GPHN: variants seen among roughly 807,000 people sequenced by gnomAD.
The protein encoded by GPHN is gephyrin.
Under a neutral mutation model 95.5 loss-of-function variants are expected in GPHN, and 17 were observed. The observed-to-expected ratio is 0.18, with a 90% CI of 0.12 to 0.27. The LOEUF (loss-of-function observed/expected upper bound fraction) is 0.27, where lower values mean the gene tolerates loss of function less well. Ranked by LOEUF, GPHN falls within the 10% of genes least tolerant of loss-of-function variation. GPHN has a pLI of 1.00. For synonymous variants in GPHN, 320 were observed against 322.5 expected (o/e 0.99, Z 0.08); for missense variants, 660 against 978.1 (o/e 0.67, Z 4.34).
the GPHN span, among the ~76,000 whole-genome samples, chr14:67,698,979 G>A: frequency 1.3e-5 from 2 of 152,178 alleles, no homozygotes; most frequent in Non-Finnish European, 2.9e-5. Flanking sequence ...GGCCAGGCAT[G>A]TTGGCTCATG....
chr14:67,677,031 G>A, the GPHN span: 46 of 152,246 alleles, frequency 3.0e-4, 1 homozygote, highest in African/African-American at 1.1e-3. Flanking sequence ...TAATTTACAA[G>A]TATCAGAAGT....
chr14:66,889,585 C>T (rs924202151), intron 5 of GPHN, among the ~76,000 whole-genome samples: 10 of 152,000 alleles, frequency 6.6e-5, no homozygotes, highest in Non-Finnish European at 1.5e-4. Flanking sequence ...AAAAATGCAA[C>T]ATACCAAAAC....
At chr14:67,620,462 T>C in the GPHN span, among the ~76,000 whole-genome samples, 9 of 151,970 alleles carry the variant, frequency 5.9e-5, no homozygotes, top group Non-Finnish European at 1.3e-4. Flanking sequence ...GGAGAATCGA[T>C]GGAGGAGGTT....
the GPHN span, among the ~76,000 whole-genome samples, chr14:67,662,285 A>T: frequency 6.6e-6 from 1 of 152,186 alleles, no homozygotes; most frequent in Non-Finnish European, 1.5e-5. Flanking sequence ...TTTCAGGAGC[A>T]TCTTCAGGCT....
intron 2 of GPHN, among the ~76,000 whole-genome samples, chr14:66,773,926 C>G (rs558166352): frequency 1.3e-5 from 2 of 151,076 alleles, no homozygotes; most frequent in East Asian, 3.9e-4. Context: ...TCATTGGGCC[C>G]TAGATAATCT....
At chr14:67,331,377 T>G in the GPHN span, among the ~76,000 whole-genome samples, 1 of 152,078 alleles carries the variant, frequency 6.6e-6, no homozygotes, top group East Asian at 1.9e-4. Context: ...TATTACTCAA[T>G]GATAGAAGTG....
At chr14:67,280,390 T>G in the GPHN span, among the ~76,000 whole-genome samples, 1 of 152,244 alleles carries the variant, frequency 6.6e-6, no homozygotes, top group Non-Finnish European at 1.5e-5. Context: ...TCTACTTTTT[T>G]GTAGAAGGAG....
the GPHN span, chr14:67,722,686 T>C: frequency 1.2e-6 from 2 of 1,613,918 alleles, no homozygotes; most frequent in Admixed American, 1.7e-5. Context: ...TTCTCGTTCC[T>C]GTATATGGTA....
intron 21 of GPHN, among the ~76,000 whole-genome samples, chr14:67,175,918 A>G (rs1379440356): frequency 6.6e-6 from 1 of 152,176 alleles, no homozygotes; most frequent in Non-Finnish European, 1.5e-5. Flanking sequence ...TGATTTTTGC[A>G]CATTGATTTT....
intron 9 of GPHN, among the ~76,000 whole-genome samples, chr14:66,972,415 T>C (rs930055622): frequency 3.3e-5 from 5 of 152,012 alleles, no homozygotes; most frequent in African/African-American, 1.2e-4. Flanking sequence ...TGAATAATAA[T>C]AATTTATTAG....
At chr14:67,723,341 C>A in the GPHN span, among the ~76,000 whole-genome samples, 2 of 152,180 alleles carry the variant, frequency 1.3e-5, no homozygotes, top group Admixed American at 6.5e-5. Flanking sequence ...TCAAGCAACC[C>A]TCCTGCCTCA....
chr14:67,054,193 T>G (rs2075442058), intron 10 of GPHN, among the ~76,000 whole-genome samples: 1 of 152,168 alleles, frequency 6.6e-6, no homozygotes, highest in African/African-American at 2.4e-5. Context: ...GATGACATAC[T>G]CCTATATCTG....
intron 10 of GPHN, among the ~76,000 whole-genome samples, chr14:67,056,968 C>T (rs1487839139): frequency 6.6e-6 from 1 of 152,196 alleles, no homozygotes; most frequent in East Asian, 1.9e-4. Context: ...GGGGCTAAGC[C>T]CCTCACTGCA....
At chr14:66,681,763 C>A (rs901610780) in intron 2 of GPHN, among the ~76,000 whole-genome samples, 2 of 151,978 alleles carry the variant, frequency 1.3e-5, no homozygotes, top group South Asian at 4.1e-4. Context: ...CTTTCTATTT[C>A]ATAAATTTTT....
At chr14:67,155,060 T>TA (rs764156597) in intron 18 of GPHN, among the ~76,000 whole-genome samples, 5 of 152,034 alleles carry the variant, frequency 3.3e-5, no homozygotes, top group Non-Finnish European at 5.9e-5. Flanking sequence ...AAGCCAAGCA[T>TA]AAAAAAGAGT....
At chr14:66,535,744 T>A (rs1314938317) in intron 1 of GPHN, among the ~76,000 whole-genome samples, 2 of 152,196 alleles carry the variant, frequency 1.3e-5, no homozygotes, top group African/African-American at 4.8e-5. Flanking sequence ...TATTCGTTAT[T>A]TAAATTTCAT....
chr14:67,710,261 A>G, the GPHN span, among the ~76,000 whole-genome samples: 1 of 152,178 alleles, frequency 6.6e-6, no homozygotes, highest in African/African-American at 2.4e-5. Flanking sequence ...TTCTAAATTA[A>G]CTGAGACCTG....
At chr14:67,048,741 A>G (rs2075154429) in intron 10 of GPHN, among the ~76,000 whole-genome samples, 1 of 152,226 alleles carries the variant, frequency 6.6e-6, no homozygotes, top group African/African-American at 2.4e-5. Context: ...TCACCAGGTA[A>G]TTTTAATATT....
At chr14:67,260,005 A>G in the GPHN span, among the ~76,000 whole-genome samples, 4 of 152,208 alleles carry the variant, frequency 2.6e-5, no homozygotes, top group East Asian at 3.8e-4. Flanking sequence ...AGTCTTGGAA[A>G]CATTGTCCCC....
Sources: allele counts gnomAD v4.1 joint callset (sites outside exome capture counted in the v4.1 genomes callset), GRCh38; gene constraint gnomAD v4.1.1; transcripts MANE v1.5; gene names NCBI Gene and HGNC (gene_info 2026-07-23, HGNC 2026-07-21).